The following PCDH1 variants were observed in gnomAD, a reference collection of about 807,000 sequenced individuals.
PCDH1 encodes the protein protocadherin 1, also known as protocadherin-1.
A neutral mutation model predicts 74.6 loss-of-function variants in PCDH1; 23 were observed. The ratio of observed to expected loss-of-function variants is 0.31; its 90% CI spans 0.22 to 0.44. The LOEUF is 0.44. Ranked by LOEUF, PCDH1 falls within the 20% of genes least tolerant of loss-of-function variation. The probability of loss-of-function intolerance (pLI) is 1.00; values close to 1 mark genes in which losing one functional copy is unlikely to be tolerated. For synonymous variants in PCDH1, 647 were observed against 686.1 expected (o/e 0.94, Z 0.89); for missense variants, 1,214 against 1,641.4 (o/e 0.74, Z 4.50).
rs1421083574 is a variant in PCDH1, at chr5:141,854,006, G to A, written c.*36C>T. On this transcript the variant is annotated 3_prime_UTR_variant, in exon 5 of 5. Transcript: ENST00000287008. ...ATGGGCCATTTGGGAGCTGGCCGGCGGCTGGGGGAGGGGGGCCGGCCGGCC... is the reference window on the plus strand; with the variant it reads ...ATGGGCCATTTGGGAGCTGGCCGGCAGCTGGGGGAGGGGGGCCGGCCGGCC... 6.8e-6 allele frequency: 10 copies of A among 1,468,338 alleles called. No individual in the cohort carries two copies. The highest frequency in any genetic ancestry group is 1.4e-5 in the South Asian group (1 of 69,356). The allele number at this position is 1,468,338 out of a possible 1,614,324, so 91.0% of individuals were successfully genotyped here.
At chr5:141,855,396 C>T (rs1752297077) in intron 4 of PCDH1, among the ~76,000 whole-genome samples, 2 of 152,152 alleles carry the variant, frequency 1.3e-5, no homozygotes, top group South Asian at 4.1e-4. Flanking sequence ...TATCTCCAGA[C>T]AGACTTAAAT....
chr5:141,873,188 C>G (rs577925603), intron 1 of PCDH1, among the ~76,000 whole-genome samples: 9 of 151,538 alleles, frequency 5.9e-5, no homozygotes, highest in Non-Finnish European at 1.3e-4. Context: ...TGCAGTGGTG[C>G]GATCTGGCCT....
At chr5:141,867,414 G>A (rs1752894470) in intron 2 of PCDH1, 4 of 346,042 alleles carry the variant, frequency 1.2e-5, no homozygotes, top group Non-Finnish European at 1.7e-5. Flanking sequence ...TATCAGGCGA[G>A]TTTTCTAATC....
At chr5:141,866,231 G>T (rs1013846447) in intron 2 of PCDH1, 24 of 985,398 alleles carry the variant, frequency 2.4e-5, no homozygotes, top group Non-Finnish European at 2.7e-5. Context: ...GCACCGGCTG[G>T]CGAGGCACCA....
In PCDH1 at chr5:141,878,127, G is replaced by T; in HGVS notation, c.40+96C>A. On this transcript the variant is annotated intron_variant, in intron 1 of 4. Transcript: ENST00000287008. The surrounding 1 kb of genome is among the most constrained non-coding windows in gnomAD (Gnocchi z 5.5). ...GCCGAGCTCGTGTTGGGCCCCCGCG[G>T]CCTCGCTCCGCCGAGCGCCCCTCCC... 1.7e-6 allele frequency: 2 copies of T among 1,180,430 alleles called. No homozygotes were observed. Among genetic ancestry groups the T allele is most frequent in the Non-Finnish European group, 2.2e-6 (2 of 900,194 alleles). The allele number at this position is 1,180,430 out of a possible 1,614,324, so 73.1% of individuals were successfully genotyped here.
intron 4 of PCDH1, chr5:141,856,311 G>T (rs2126803895): frequency 2.7e-6 from 4 of 1,495,486 alleles, no homozygotes; most frequent in Non-Finnish European, 3.6e-6. Context: ...GCGCATGGAG[G>T]GGCGGGGTGG....
intron 2 of PCDH1, chr5:141,866,200 A>C: frequency 1.0e-6 from 1 of 985,526 alleles, no homozygotes; most frequent in African/African-American, 1.7e-5. Flanking sequence ...CTGTTTCAGC[A>C]GCAACTTCTC....
chr5:141,865,813 C>T lies in PCDH1; in HGVS notation c.904-386G>A, dbSNP rs1041811189. On this transcript the variant is annotated intron_variant, in intron 2 of 4. Coordinates refer to ENST00000287008, the MANE Select transcript of PCDH1 (RefSeq NM_032420.5). The surrounding 1 kb of genome is among the most constrained non-coding windows in gnomAD (Gnocchi z 4.4). ...ACCAATGAACCCTGCCTGAACCCTC[C>T]TGAAGAGATGGAGAGGTGCGAGTAG... Among the ~76,000 whole-genome samples, 26 of 152,348 alleles carry T rather than the reference C, an allele frequency of 1.7e-4. No individual in the cohort carries two copies. Among genetic ancestry groups the T allele is most frequent in the African/African-American group, 6.3e-4 (26 of 41,586 alleles).
Position 141,869,016 on chromosome 5 carries a change from T to C in PCDH1, c.456A>G (p.Leu152=), listed in dbSNP as rs1752990939. 2 of 1,614,070 alleles carry C rather than the reference T, an allele frequency of 1.2e-6. No homozygotes were observed. The highest frequency in any genetic ancestry group is 1.7e-6 in the Non-Finnish European group (2 of 1,180,006). The change falls in exon 2 of 5, where the codon CTA becomes CTG. Residue 152 remains leucine (L), a synonymous_variant. Coordinates refer to ENST00000287008, the MANE Select transcript of PCDH1 (RefSeq NM_032420.5). The surrounding 1 kb of genome is among the most constrained non-coding windows in gnomAD (Gnocchi z 4.9). ...DLVQNGSPRL[L]EGQIEVQDIN... is the part of the protein sequence containing the mutation. ...TGTCTTGTACTTCTATCTGGCCCTCTAGCAGCCGGGGGCTGCCATTCTGCA... is the reference window on the plus strand; with the variant it reads ...TGTCTTGTACTTCTATCTGGCCCTCCAGCAGCCGGGGGCTGCCATTCTGCA...
rs767072400 is a variant in PCDH1 at position 141,869,023 on chromosome 5, C to T, written c.449G>A (p.Arg150Gln). The change falls in exon 2 of 5, where the codon CGG (arginine) becomes CAG (glutamine). Residue 150 changes from arginine to glutamine, a missense_variant. Physicochemically the swap from Arg to Gln is conservative, Grantham distance 43. Coordinates refer to ENST00000287008, the MANE Select transcript of PCDH1 (RefSeq NM_032420.5). This position sits in a 1 kb window ranked among gnomAD's most constrained non-coding sequence, Gnocchi z 4.9. ...TACTTCTATCTGGCCCTCTAGCAGC[C>T]GGGGGCTGCCATTCTGCACGAGGTC... is the stretch of plus-strand genomic sequence containing the variant. The part of the protein sequence containing the change: ...ITDLVQNGSP[R>Q]LLEGQIEVQD... The T allele has an allele frequency of 4.8e-5, 78 of 1,613,846 alleles. 1 individual carries two copies. The South Asian group carries it at 6.6e-4, about 14-fold the overall frequency.
Position 141,863,762 on chromosome 5 carries a change from C to T in PCDH1, c.2569G>A (p.Val857Met), listed in dbSNP as rs1395008357. ...GCCACGGCCACCACACCAGCCACCA[C>T]ACCAAAGAGAATGTTGCCACGCTGC... ...SKQRGNILFG[V>M]VAGVVAVALL... The change falls in exon 3 of 5, where the codon GTG becomes ATG. Residue 857 changes from valine to methionine, a missense_variant. Coordinates refer to ENST00000287008, the MANE Select transcript of PCDH1 (RefSeq NM_032420.5). The surrounding 1 kb of genome is among the most constrained non-coding windows in gnomAD (Gnocchi z 7.5). 2 of 1,614,102 alleles carry T rather than the reference C, an allele frequency of 1.2e-6. No homozygotes were observed. Among genetic ancestry groups the T allele is most frequent in the Admixed American group, 1.7e-5 (1 of 60,012 alleles).
intron 4 of PCDH1, among the ~76,000 whole-genome samples, chr5:141,854,641 C>T (rs781754919): frequency 5.6e-4 from 85 of 152,202 alleles, no homozygotes; most frequent in Non-Finnish European, 1.1e-3. Flanking sequence ...CACACGCACA[C>T]GCACACACAC....
intron 1 of PCDH1, among the ~76,000 whole-genome samples, chr5:141,873,315 A>AT (rs1753140885): frequency 1.3e-5 from 1 of 74,108 alleles, no homozygotes; most frequent in African/African-American, 4.6e-5. Context: ...TTTTTTTTGT[A>AT]TTTTAGTAGA....
At chr5:141,861,004 A>C (rs1025804791) in intron 3 of PCDH1, among the ~76,000 whole-genome samples, 4 of 151,390 alleles carry the variant, frequency 2.6e-5, no homozygotes, top group Admixed American at 6.6e-5. Context: ...AATCCCAGCT[A>C]CTCAGGAGGC....
In PCDH1 at chr5:141,865,940, T is replaced by C; in HGVS notation, c.904-513A>G. On this transcript the variant is annotated intron_variant, in intron 2 of 4. Transcript: ENST00000287008. This position sits in a 1 kb window ranked among gnomAD's most constrained non-coding sequence, Gnocchi z 4.4. Reference sequence around the variant, plus strand: ...TCAGAATGTGTGATTAAATGTGATATGTTTGTGTGAGAAGGTATATGTGTT... The same window carrying C: ...TCAGAATGTGTGATTAAATGTGATACGTTTGTGTGAGAAGGTATATGTGTT... 1.8e-6 allele frequency: 1 copy of C among 569,356 alleles called. No homozygotes were observed. Among genetic ancestry groups the C allele is most frequent in the African/African-American group, 2.0e-5 (1 of 49,754 alleles). The allele number at this position is 569,356 out of a possible 1,614,324, so 35.3% of individuals were successfully genotyped here.
At chr5:141,861,115 C>CAAAAAAA (rs59007688) in intron 3 of PCDH1, among the ~76,000 whole-genome samples, 9 of 61,918 alleles carry the variant, frequency 1.5e-4, no homozygotes, top group Admixed American at 2.0e-4. Flanking sequence ...AACTCCATCT[C>CAAAAAAA]AAAAAAAAAA....
intron 1 of PCDH1, among the ~76,000 whole-genome samples, chr5:141,875,488 C>G (rs899846883): frequency 2.6e-5 from 4 of 152,148 alleles, no homozygotes; most frequent in African/African-American, 7.2e-5. Flanking sequence ...CTCCCCGAAC[C>G]CTGATTCCCA....
intron 2 of PCDH1, chr5:141,867,646 C>T (rs1389419936): frequency 4.5e-6 from 2 of 445,078 alleles, no homozygotes; most frequent in East Asian, 1.4e-4. Context: ...GAAACTCCCA[C>T]CCATCTCCCA....
At chr5:141,876,408 G>C (rs545013823) in intron 1 of PCDH1, among the ~76,000 whole-genome samples, 1 of 152,332 alleles carries the variant, frequency 6.6e-6, no homozygotes, top group African/African-American at 2.4e-5. Flanking sequence ...GGGGCGGGGA[G>C]GGAGCCGGCG....
Sources: allele counts gnomAD v4.1 joint callset (sites outside exome capture counted in the v4.1 genomes callset), GRCh38; gene constraint gnomAD v4.1.1; non-coding constraint Gnocchi (gnomAD v3.1); transcripts MANE v1.5; gene names NCBI Gene and HGNC (gene_info 2026-07-23, HGNC 2026-07-21).